The following INPP5K variants were observed in gnomAD, a reference collection of about 807,000 sequenced individuals.
INPP5K encodes the protein inositol polyphosphate-5-phosphatase K, also known as inositol polyphosphate 5-phosphatase K.
INPP5K carries 35 observed loss-of-function variants against 53.5 expected under a neutral mutation model. That is an observed-to-expected ratio of 0.65 (90% CI 0.50 to 0.87). The LOEUF (loss-of-function observed/expected upper bound fraction) is 0.87, where lower values mean the gene tolerates loss of function less well. INPP5K is among the 40% of genes least tolerant of loss of function. The probability of loss-of-function intolerance (pLI) is 0.00; values close to 1 mark genes in which losing one functional copy is unlikely to be tolerated. For synonymous variants in INPP5K, 253 were observed against 232.8 expected, an observed-to-expected ratio of 1.09 and a Z score of -0.79; for missense variants, 550 against 586.2, an observed-to-expected ratio of 0.94 and a Z score of 0.64.
At chr17:1,502,255 A>C (rs2075043525) in intron 7 of INPP5K, among the ~76,000 whole-genome samples, 1 of 152,178 alleles carries the variant, frequency 6.6e-6, no homozygotes. Context: ...AGGCTGAGGC[A>C]AGAGAATGGC....
intron 7 of INPP5K, among the ~76,000 whole-genome samples, chr17:1,500,003 G>A (rs1015743920): frequency 4.6e-5 from 7 of 151,688 alleles, no homozygotes; most frequent in African/African-American, 1.2e-4. Flanking sequence ...GGCTGAGTGC[G>A]GTGGCACAAT....
chr17:1,496,303 G>A lies in INPP5K; in HGVS notation c.1185+16C>T, dbSNP rs2074836031. On this transcript the variant is annotated intron_variant, in intron 10 of 11. Coordinates refer to ENST00000421807, the MANE Select transcript of INPP5K (RefSeq NM_016532.4). Reference sequence around the variant, plus strand: ...AGGCCTGCCTGCTGGTGATGTACCTGGTGCTGGTGACGTACCTGGTTCAGG... The same window carrying A: ...AGGCCTGCCTGCTGGTGATGTACCTAGTGCTGGTGACGTACCTGGTTCAGG... 1 of 1,554,152 alleles carries A rather than the reference G, an allele frequency of 6.4e-7. No homozygotes were observed. Among genetic ancestry groups the A allele is most frequent in the Non-Finnish European group, 8.7e-7 (1 of 1,147,068 alleles).
chr17:1,514,631 A>G (rs78607300), intron 1 of INPP5K, among the ~76,000 whole-genome samples: 3,534 of 151,730 alleles, frequency 0.023, 168 homozygotes, highest in African/African-American at 0.081. Context: ...ACTGCCAGGA[A>G]TGTATTAATT....
Position 1,508,146 on chromosome 17 carries a change from C to T in INPP5K, c.635G>A (p.Arg212Gln), listed in dbSNP as rs770937374. 1.8e-5 allele frequency: 29 copies of T among 1,614,054 alleles called. No homozygotes were observed. The highest frequency in any genetic ancestry group is 3.3e-4 in the Middle Eastern group (2 of 6,062). Reference protein sequence around the residue: ...LHFVRESIKNRCYGGLWEKDQ... With the variant: ...LHFVRESIKNQCYGGLWEKDQ... ...CTTCTCCCACAGGCCACCGTAGCAC[C>T]GATTTTTAATGGATTCCCGAACAAA... The change falls in exon 6 of 12, where the codon CGG (arginine) becomes CAG (glutamine). Residue 212 changes from arginine to glutamine, a missense_variant. Physicochemically the swap from Arg to Gln is conservative, Grantham distance 43. Coordinates refer to ENST00000421807, the MANE Select transcript of INPP5K (RefSeq NM_016532.4).
chr17:1,507,438 C>T (rs2075185580), intron 6 of INPP5K: 1 of 269,074 alleles, frequency 3.7e-6, no homozygotes, highest in Non-Finnish European at 7.0e-6. Flanking sequence ...GGCACCTCAC[C>T]CTCCAAGAGG....
chr17:1,496,512 C>T lies in INPP5K; in HGVS notation c.1102-110G>A, dbSNP rs2074846434. On this transcript the variant is annotated intron_variant, in intron 9 of 11. Transcript: ENST00000421807. Reference sequence around the variant, plus strand: ...GGCCTGGCTACCGTACTGTGTGCCTCCCCGCCGCCCTTCACTGCCAGCCTT... The same window carrying T: ...GGCCTGGCTACCGTACTGTGTGCCTTCCCGCCGCCCTTCACTGCCAGCCTT... 1.7e-5 allele frequency: 22 copies of T among 1,317,870 alleles called. 1 individual carries two copies. The South Asian group carries it at 2.8e-4, about 17-fold the overall frequency. The allele number at this position is 1,317,870 out of a possible 1,614,324, so 81.6% of individuals were successfully genotyped here.
Position 1,496,175 on chromosome 17 carries a change from A to G in INPP5K, c.1186-11T>C. On this transcript the variant is annotated splice_polypyrimidine_tract_variant and intron_variant, in intron 10 of 11. Coordinates refer to ENST00000421807, the MANE Select transcript of INPP5K (RefSeq NM_016532.4). ...GATGTCGATGTAAACCTGGAGGGGG[A>G]TGGACAGGACTGGGGTCAGCTCCAG... The G allele has an allele frequency of 4.4e-6, 7 of 1,575,960 alleles. No individual in the cohort carries two copies. The highest frequency in any genetic ancestry group is 6.1e-6 in the Non-Finnish European group (7 of 1,145,704).
rs753820335 is a variant in INPP5K, at chr17:1,500,367, G to GTT, written c.777-2247_777-2246dup. On this transcript the variant is annotated intron_variant, in intron 7 of 11. Coordinates refer to ENST00000421807, the MANE Select transcript of INPP5K (RefSeq NM_016532.4). ...CAGACATTAGCTTTTTGCTTCCAAA[G>GTT]TTTTTTTTTTTTTTTGAGACGGAGT... Among the ~76,000 whole-genome samples, 135 of 145,224 alleles carry GTT rather than the reference G, an allele frequency of 9.3e-4. 2 individuals are homozygous for GTT. Among genetic ancestry groups the GTT allele is most frequent in the African/African-American group, 1.7e-3 (66 of 39,676 alleles).
At chr17:1,502,083 C>T (rs967170876) in intron 7 of INPP5K, among the ~76,000 whole-genome samples, 6 of 151,184 alleles carry the variant, frequency 4.0e-5, no homozygotes, top group Admixed American at 4.0e-4. Context: ...GGCACGGTGG[C>T]TCACGCCTGT....
intron 7 of INPP5K, among the ~76,000 whole-genome samples, chr17:1,500,509 C>T (rs1402996201): frequency 3.3e-5 from 5 of 152,112 alleles, no homozygotes; most frequent in African/African-American, 9.7e-5. Flanking sequence ...GGATTACAGG[C>T]GCCTGCCACC....
At chr17:1,503,334 C>T (rs537040163) in intron 7 of INPP5K, among the ~76,000 whole-genome samples, 120 of 152,026 alleles carry the variant, frequency 7.9e-4, no homozygotes, top group African/African-American at 2.8e-3. Context: ...CAGGTGCCCG[C>T]CACCATGCCC....
Position 1,496,116 on chromosome 17 carries a change from G to A in INPP5K, c.1234C>T (p.Leu412Phe), listed in dbSNP as rs2074829294. 5 of 1,613,654 alleles carry A rather than the reference G, an allele frequency of 3.1e-6. No homozygotes were observed. The highest frequency in any genetic ancestry group is 4.2e-6 in the Non-Finnish European group (5 of 1,179,574). Residue 412 changes from leucine (L) to phenylalanine (F), a missense_variant, in exon 11 of 12, where the codon CTC (leucine) becomes TTC (phenylalanine). Coordinates refer to ENST00000421807, the MANE Select transcript of INPP5K (RefSeq NM_016532.4). ...CGCAGACTGTTGCTGTAGTAACAGA[G>A]GAGAAACTCATCTTCAGTGGTAGGG... ...NIPTTEDEFL[L>F]CYYSNSLRSV... is the part of the protein sequence containing the mutation.
chr17:1,515,556 C>G, intron 1 of INPP5K: 1 of 985,720 alleles, frequency 1.0e-6, no homozygotes, highest in Non-Finnish European at 1.2e-6. Context: ...CCTAGGCACA[C>G]GATGAGGAGT....
At chr17:1,513,733 G>A in intron 2 of INPP5K, 139 bp downstream of exon 2, 1 of 871,744 alleles carries the variant, frequency 1.1e-6, no homozygotes, top group South Asian at 1.6e-5. Flanking sequence ...CCCGGGACCA[G>A]AGACATGGGA....
chr17:1,498,127 A>C lies in INPP5K; in HGVS notation c.777-5T>G. 6.3e-7 allele frequency: 1 copy of C among 1,592,110 alleles called. No individual in the cohort carries two copies. ...GCAGGCTTGCGTTTTTTCTCACTGC[A>C]GGGGCAGGGGGCATAAAGAGGAAGA... On this transcript the variant is annotated splice_polypyrimidine_tract_variant and splice_region_variant and intron_variant, in intron 7 of 11. Coordinates refer to ENST00000421807, the MANE Select transcript of INPP5K (RefSeq NM_016532.4).
intron 7 of INPP5K, among the ~76,000 whole-genome samples, chr17:1,500,541 AT>A (rs2074982056): frequency 1.3e-5 from 2 of 151,840 alleles, no homozygotes; most frequent in African/African-American, 4.8e-5. Flanking sequence ...ACTTTTTTGT[AT>A]TTTTAGTAGA....
chr17:1,496,638 T>C (rs2074853535), intron 9 of INPP5K, 28 bp downstream of exon 9: 3 of 1,612,876 alleles, frequency 1.9e-6, no homozygotes, highest in South Asian at 2.2e-5. Context: ...CTGTCGCTGA[T>C]GGACTTCCTG....
At chr17:1,498,418 C>G (rs900574425) in intron 7 of INPP5K, among the ~76,000 whole-genome samples, 1 of 152,104 alleles carries the variant, frequency 6.6e-6, no homozygotes, top group African/African-American at 2.4e-5. Context: ...TTGCTTCTTT[C>G]TTGAGCAAAA....
In INPP5K at chr17:1,498,003, C is replaced by A. The variant is rs775337702; in HGVS notation, c.896G>T (p.Gly299Val). 5.6e-6 allele frequency: 9 copies of A among 1,614,130 alleles called. No homozygotes were observed. Among genetic ancestry groups the A allele is most frequent in the Non-Finnish European group, 7.6e-6 (9 of 1,180,020 alleles). Residue 299 changes from glycine to valine, a missense_variant, in exon 8 of 12, where the codon GGC becomes GTC. Gly to Val is a moderately radical substitution (Grantham distance 109). Transcript: ENST00000421807. ...GCCGTACGTCATGTGGCTGCTGTAG[C>A]CCCTCAGAGACAAGGAGAAGTGTGA... ...PASHFSLSLR[G>V]YSSHMTYGIS...
Sources: allele counts gnomAD v4.1 joint callset (sites outside exome capture counted in the v4.1 genomes callset), GRCh38; gene constraint gnomAD v4.1.1; transcripts MANE v1.5; gene names NCBI Gene and HGNC (gene_info 2026-07-23, HGNC 2026-07-21).